The following VRK2 variants were observed in gnomAD, a reference collection of about 807,000 sequenced individuals.
The protein encoded by VRK2 is serine/threonine-protein kinase VRK2.
A neutral mutation model predicts 57.6 loss-of-function variants in VRK2; 60 were observed. That is an observed-to-expected ratio of 1.04 (90% CI 0.85 to 1.29). The LOEUF is 1.29. Ranked by LOEUF, VRK2 falls within the 50% of genes most tolerant of loss-of-function variation. VRK2 has a pLI of 0.00. For missense variants in VRK2, 705 were observed against 588.1 expected (o/e 1.20, Z -2.06); for synonymous variants, 231 against 199.2 (o/e 1.16, Z -1.35).
At chr2:57,943,756 AAG>A (rs1216574570) in intron 1 of VRK2, among the ~76,000 whole-genome samples, 1 of 152,228 alleles carries the variant, frequency 6.6e-6, no homozygotes, top group Admixed American at 6.5e-5. Context: ...AGGAAAGGGT[AAG>A]GCATAGTTTG....
intron 2 of VRK2, among the ~76,000 whole-genome samples, chr2:58,052,432 C>T (rs973756591): frequency 1.3e-5 from 2 of 151,922 alleles, no homozygotes; most frequent in Non-Finnish European, 2.9e-5. Flanking sequence ...GGTGAAACCC[C>T]ATCTCTACTA....
chr2:58,076,009 C>T lies in VRK2; in HGVS notation c.137-8080C>T, dbSNP rs145509423. On this transcript the variant is annotated intron_variant, in intron 2 of 12. Coordinates refer to ENST00000340157, the MANE Select transcript of VRK2 (RefSeq NM_006296.7). ...TTGTTCAGTTTTTTTCTTTTTTCTC[C>T]CCCTTAAGAAGACAGGAGTAAGGAC... 9.1e-4 allele frequency among the ~76,000 whole-genome samples: 138 copies of T among 151,812 alleles called. 1 individual carries two copies. The highest frequency in any genetic ancestry group is 3.3e-3 in the African/African-American group (138 of 41,446).
At chr2:58,083,911 A>G (rs1671252363) in intron 2 of VRK2, among the ~76,000 whole-genome samples, 178 bp from the exon 3 acceptor site, 1 of 151,866 alleles carries the variant, frequency 6.6e-6, no homozygotes, top group Non-Finnish European at 1.5e-5. Context: ...AACGTCTCAA[A>G]CTTCAGTAGC....
chr2:58,104,276 C>G (rs1042889830), intron 7 of VRK2, among the ~76,000 whole-genome samples: 4 of 151,840 alleles, frequency 2.6e-5, no homozygotes, highest in East Asian at 1.9e-4. Flanking sequence ...CGAATTATCT[C>G]TATTTGCCAA....
chr2:58,116,572 C>T (rs992848489), intron 7 of VRK2, among the ~76,000 whole-genome samples: 7 of 152,042 alleles, frequency 4.6e-5, no homozygotes, highest in African/African-American at 1.7e-4. Flanking sequence ...GAGTGGGTAG[C>T]CTTCGTATTG....
At chr2:58,108,675 T>C (rs1472390303) in intron 7 of VRK2, among the ~76,000 whole-genome samples, 1 of 152,208 alleles carries the variant, frequency 6.6e-6, no homozygotes, top group Non-Finnish European at 1.5e-5. Context: ...ATGTTGCTTC[T>C]TTCTCTGAGT....
chr2:58,111,620 T>A (rs188646259), intron 7 of VRK2, among the ~76,000 whole-genome samples: 2 of 152,032 alleles, frequency 1.3e-5, no homozygotes, highest in East Asian at 3.9e-4. Flanking sequence ...GCATAGGGAG[T>A]AACTATTTAT....
intron 1 of VRK2, among the ~76,000 whole-genome samples, chr2:57,967,504 A>G (rs1015399558): frequency 1.3e-5 from 2 of 151,910 alleles, no homozygotes; most frequent in Admixed American, 6.6e-5. Context: ...ACTTGGGGGG[A>G]AAAAGCTATT....
At chr2:58,095,856 C>T (rs1417453789) in intron 7 of VRK2, among the ~76,000 whole-genome samples, 2 of 152,016 alleles carry the variant, frequency 1.3e-5, no homozygotes, top group East Asian at 1.9e-4. Flanking sequence ...TGAAGTATTA[C>T]CCCATTAAAT....
At chr2:57,961,386 A>G (rs1671753470) in intron 1 of VRK2, among the ~76,000 whole-genome samples, 1 of 152,222 alleles carries the variant, frequency 6.6e-6, no homozygotes, top group Non-Finnish European at 1.5e-5. Flanking sequence ...TTGTGATTGA[A>G]AAAAGCGAGA....
chr2:58,056,293 A>G lies in VRK2; in HGVS notation c.136+7326A>G, dbSNP rs1251041096. On this transcript the variant is annotated intron_variant, in intron 2 of 12. Transcript: ENST00000340157. ...TCCATGAGACCGTTGTGAATACTTC[A>G]ACGTATTCAAAACATATAACTGCCA... Among the ~76,000 whole-genome samples, 17 of 152,252 alleles carry G rather than the reference A, an allele frequency of 1.1e-4. No homozygotes were observed. In the South Asian group the frequency reaches 1.2e-3, roughly 11 times the overall value.
intron 1 of VRK2, among the ~76,000 whole-genome samples, chr2:57,972,852 T>C (rs1158935097): frequency 6.6e-6 from 1 of 151,916 alleles, no homozygotes; most frequent in African/African-American, 2.4e-5. Flanking sequence ...CATATGTATG[T>C]ATAAAAATAT....
chr2:57,968,543 G>A (rs571463210), intron 1 of VRK2, among the ~76,000 whole-genome samples: 1 of 152,202 alleles, frequency 6.6e-6, no homozygotes, highest in South Asian at 2.1e-4. Context: ...TACCTTGAAA[G>A]AAAACAGTTA....
intron 7 of VRK2, among the ~76,000 whole-genome samples, chr2:58,101,532 T>A (rs1454821121): frequency 2.0e-5 from 3 of 151,796 alleles, no homozygotes; most frequent in Non-Finnish European, 3.0e-5. Context: ...AATATGAGAA[T>A]ATAGAAATAC....
intron 1 of VRK2, among the ~76,000 whole-genome samples, chr2:57,975,530 C>T (rs1030291091): frequency 2.6e-5 from 4 of 151,972 alleles, no homozygotes; most frequent in East Asian, 1.9e-4. Flanking sequence ...GTGGGGTACA[C>T]GTGCATGTTT....
intron 1 of VRK2, among the ~76,000 whole-genome samples, chr2:57,944,807 G>T: frequency 7.4e-6 from 1 of 135,458 alleles, no homozygotes; most frequent in East Asian, 2.0e-4. Context: ...GCAAAAAAAA[G>T]TCATCCCCCT....
chr2:58,101,724 C>G (rs1463573440), intron 7 of VRK2, among the ~76,000 whole-genome samples: 1 of 151,610 alleles, frequency 6.6e-6, no homozygotes, highest in African/African-American at 2.4e-5. Context: ...TGGTTGTTAG[C>G]TAAAATCTGA....
chr2:58,117,929 C>G (rs1024675414), intron 7 of VRK2, among the ~76,000 whole-genome samples: 1 of 151,870 alleles, frequency 6.6e-6, no homozygotes, highest in East Asian at 1.9e-4. Context: ...GGTAGGGGTT[C>G]CTTGCCCTCC....
At chr2:58,137,251 G>GATACATATATATCATAT (rs145492171) in intron 10 of VRK2, among the ~76,000 whole-genome samples, 2 of 77,378 alleles carry the variant, frequency 2.6e-5, no homozygotes, top group Admixed American at 1.3e-4. Context: ...TCATATATAT[G>GATACATATATATCATAT]ATATATATGA....
Sources: gnomAD v4.1 joint callset for allele counts (sites outside exome capture counted in the v4.1 genomes callset) on GRCh38, gnomAD v4.1.1 for gene constraint, MANE v1.5 for transcripts, NCBI Gene and HGNC (gene_info 2026-07-23, HGNC 2026-07-21) for gene names.